GRIA4: variants seen among roughly 807,000 people sequenced by gnomAD.
The protein encoded by GRIA4 is glutamate ionotropic receptor AMPA type subunit 4.
GRIA4 carries 34 observed loss-of-function variants against 104.0 expected under a neutral mutation model. The ratio of observed to expected loss-of-function variants is 0.33; its 90% CI spans 0.25 to 0.44. The LOEUF (loss-of-function observed/expected upper bound fraction) is 0.44, where lower values mean the gene tolerates loss of function less well. Among genes scored for constraint, GRIA4 ranks in the 20% least tolerant of loss-of-function variants. The pLI is 1.00. For missense variants in GRIA4, 750 were observed against 1,096.5 expected (o/e 0.68, Z 4.46); for synonymous variants, 386 against 381.9 (o/e 1.01, Z -0.13).
intron 3 of GRIA4, among the ~76,000 whole-genome samples, chr11:105,698,205 T>C (rs1002720419): frequency 6.6e-6 from 1 of 152,204 alleles, no homozygotes; most frequent in African/African-American, 2.4e-5. Context: ...TCTAGAACCA[T>C]AACATATATA....
At chr11:105,955,707 A>G (rs568488862) in intron 14 of GRIA4, among the ~76,000 whole-genome samples, 36 of 152,272 alleles carry the variant, frequency 2.4e-4, no homozygotes, top group African/African-American at 8.4e-4. Flanking sequence ...TGTCTTCCAC[A>G]ATGGTTAGAC....
intron 6 of GRIA4, among the ~76,000 whole-genome samples, chr11:105,894,252 T>C (rs746392218): frequency 5.9e-5 from 9 of 152,128 alleles, no homozygotes; most frequent in Non-Finnish European, 8.8e-5. Flanking sequence ...TGTGTAAGAA[T>C]ATGCAGGAGT....
chr11:105,961,907 T>C (rs1440508569), intron 14 of GRIA4, among the ~76,000 whole-genome samples: 5 of 152,190 alleles, frequency 3.3e-5, no homozygotes, highest in Admixed American at 3.3e-4. Context: ...TGAGATGGAA[T>C]TGAATGTGTT....
chr11:105,907,279 T>C (rs1233693647), intron 9 of GRIA4, among the ~76,000 whole-genome samples: 1 of 152,192 alleles, frequency 6.6e-6, no homozygotes, highest in Non-Finnish European at 1.5e-5. Flanking sequence ...TCTAAGGCTC[T>C]TAAAAGAAAT....
At chr11:105,872,334 T>C (rs1410477056) in intron 5 of GRIA4, among the ~76,000 whole-genome samples, 1 of 152,020 alleles carries the variant, frequency 6.6e-6, no homozygotes, top group Non-Finnish European at 1.5e-5. Flanking sequence ...AAAAGATATA[T>C]AACAGCAAGG....
At chr11:105,969,718 G>A (rs1430246441) in intron 14 of GRIA4, among the ~76,000 whole-genome samples, 1 of 152,170 alleles carries the variant, frequency 6.6e-6, no homozygotes, top group Non-Finnish European at 1.5e-5. Context: ...TAGCACCCAT[G>A]TGTTACAAAG....
At chr11:105,856,342 C>A (rs1180860186) in intron 4 of GRIA4, among the ~76,000 whole-genome samples, 2 of 152,142 alleles carry the variant, frequency 1.3e-5, no homozygotes, top group East Asian at 3.9e-4. Flanking sequence ...CTTGCCTGTT[C>A]ACCTCTCCAG....
intron 11 of GRIA4, among the ~76,000 whole-genome samples, chr11:105,923,605 A>G (rs1947626991): frequency 6.6e-6 from 1 of 152,200 alleles, no homozygotes; most frequent in African/African-American, 2.4e-5. Context: ...GTTATGAGGT[A>G]AACAGGGAAA....
chr11:105,851,633 C>T (rs1315421055), intron 4 of GRIA4, among the ~76,000 whole-genome samples: 7 of 152,060 alleles, frequency 4.6e-5, no homozygotes, highest in Non-Finnish European at 7.4e-5. Flanking sequence ...ACTCTCTTAG[C>T]GCAGGGAATA....
chr11:105,837,209 T>C (rs1940963), intron 4 of GRIA4, among the ~76,000 whole-genome samples: 7,087 of 152,154 alleles, frequency 0.047, 382 homozygotes, highest in African/African-American at 0.13. Flanking sequence ...ACTTCCCACC[T>C]GGTCCCTCCT....
At chr11:105,697,441 A>G (rs1201384779) in intron 3 of GRIA4, among the ~76,000 whole-genome samples, 2 of 152,222 alleles carry the variant, frequency 1.3e-5, no homozygotes, top group Non-Finnish European at 2.9e-5. Flanking sequence ...TGACTCTGCT[A>G]AAAGGTGGGG....
intron 3 of GRIA4, among the ~76,000 whole-genome samples, chr11:105,732,408 C>T (rs533182971): frequency 2.0e-5 from 3 of 152,006 alleles, no homozygotes; most frequent in African/African-American, 4.8e-5. Context: ...TATTAGCAGC[C>T]GTGTGTTTCT....
intron 4 of GRIA4, among the ~76,000 whole-genome samples, chr11:105,803,627 C>T (rs191046118): frequency 4.6e-5 from 7 of 151,832 alleles, no homozygotes; most frequent in Admixed American, 3.3e-4. Flanking sequence ...TGTTCATGAA[C>T]AGATCAATAA....
intron 5 of GRIA4, among the ~76,000 whole-genome samples, chr11:105,869,198 G>A (rs73540997): frequency 0.012 from 1,874 of 152,168 alleles, 51 homozygotes; most frequent in African/African-American, 0.042. Context: ...GTTTTTTCAA[G>A]GAAGAAGAAA....
At chr11:105,759,310 T>C (rs1490660052) in intron 4 of GRIA4, among the ~76,000 whole-genome samples, 1 of 152,188 alleles carries the variant, frequency 6.6e-6, no homozygotes, top group Non-Finnish European at 1.5e-5. Flanking sequence ...TGCACATTTC[T>C]GATTACTACT....
chr11:105,677,430 T>G (rs1012056859), intron 3 of GRIA4, among the ~76,000 whole-genome samples: 3 of 151,950 alleles, frequency 2.0e-5, no homozygotes, highest in Non-Finnish European at 1.5e-5. Flanking sequence ...GATCAGCTAA[T>G]AAAATATCAG....
intron 3 of GRIA4, among the ~76,000 whole-genome samples, chr11:105,671,389 CT>C: frequency 6.6e-6 from 1 of 151,908 alleles, no homozygotes; most frequent in East Asian, 1.9e-4. Flanking sequence ...ATAAGAATAA[CT>C]TTGGGGCTGG....
intron 3 of GRIA4, among the ~76,000 whole-genome samples, chr11:105,665,621 A>T (rs1395670597): frequency 1.3e-5 from 2 of 152,020 alleles, no homozygotes. Context: ...TGCATTTAAC[A>T]TCTAAACAAA....
At chr11:105,696,114 A>G (rs1162777006) in intron 3 of GRIA4, among the ~76,000 whole-genome samples, 2 of 152,168 alleles carry the variant, frequency 1.3e-5, no homozygotes, top group Non-Finnish European at 2.9e-5. Flanking sequence ...TACCTGGTTC[A>G]TTGATCACCC....
Sources: gnomAD v4.1 joint callset for allele counts (sites outside exome capture counted in the v4.1 genomes callset) on GRCh38, gnomAD v4.1.1 for gene constraint, MANE v1.5 for transcripts, NCBI Gene and HGNC (gene_info 2026-07-23, HGNC 2026-07-21) for gene names.